Variants in PPP1R2 observed in about 807,000 individuals in gnomAD.
The protein encoded by PPP1R2 is protein phosphatase 1 regulatory inhibitor subunit 2.
Under a neutral mutation model 29.9 loss-of-function variants are expected in PPP1R2, and 16 were observed. That is an observed-to-expected ratio of 0.53 (90% CI 0.36 to 0.81). The LOEUF (loss-of-function observed/expected upper bound fraction) is 0.81. Among genes scored for constraint, PPP1R2 ranks in the 30% least tolerant of loss-of-function variants. PPP1R2 has a pLI of 0.00. For synonymous variants in PPP1R2, 76 were observed against 91.5 expected, an observed-to-expected ratio of 0.83 and a Z score of 0.96; for missense variants, 197 against 252.7, an observed-to-expected ratio of 0.78 and a Z score of 1.49.
At position 195,523,709 on chromosome 3, in the gene PPP1R2, A is replaced by T; in HGVS notation, c.386T>A (p.Leu129His). ...TAAACTACCTCGTTCTTCAGGTGAG[A>T]GGTCACTATCCTCCTCTCCACTGCT... ...QESSGEEDSD[L>H]SPEEREKKRQ... is the part of the protein sequence containing the mutation. Residue 129 changes from leucine (L) to histidine (H), a missense_variant, in exon 4 of 6, where the codon CTC (leucine) becomes CAC (histidine). This residue lies in a region of PPP1R2 where 135 missense variants were observed against 163.0 expected (regional missense o/e 0.83). Transcript: ENST00000618156. The T allele has an allele frequency of 6.2e-7, 1 of 1,613,960 alleles. No homozygotes were observed. The highest frequency in any genetic ancestry group is 8.5e-7 in the Non-Finnish European group (1 of 1,179,852).
chr3:195,514,533 T>G lies in PPP1R2; in HGVS notation c.*2363A>C, dbSNP rs1194638069. 1 of 152,248 alleles carries G rather than the reference T, an allele frequency of 6.6e-6. No individual in the cohort carries two copies. The highest frequency in any genetic ancestry group is 1.5e-5 in the Non-Finnish European group (1 of 68,054). The allele number at this position is 152,248 out of a possible 1,614,324, so 9.4% of individuals were successfully genotyped here. A position where few individuals can be genotyped will look rare whatever the true frequency, so the allele number is the denominator to read the frequency against. On this transcript the variant is annotated 3_prime_UTR_variant, in exon 6 of 6. Coordinates refer to ENST00000618156, the MANE Select transcript of PPP1R2 (RefSeq NM_006241.8). ...GGAAAATGGCATCTTGCTTTAATCT[T>G]CAACTGAAAGTTACCTTAACAATCC...
chr3:195,518,695 C>T (rs892779143), intron 5 of PPP1R2, among the ~76,000 whole-genome samples: 1 of 151,652 alleles, frequency 6.6e-6, no homozygotes, highest in Non-Finnish European at 1.5e-5. Context: ...AATTTTAGAT[C>T]GTTATGACAA....
At chr3:195,536,957 A>G (rs915596741) in intron 1 of PPP1R2, among the ~76,000 whole-genome samples, 9 of 152,052 alleles carry the variant, frequency 5.9e-5, no homozygotes, top group Non-Finnish European at 1.3e-4. Context: ...AAGAAAAAGA[A>G]CTACAGAACA....
intron 5 of PPP1R2, 119 bp downstream of exon 5, chr3:195,518,899 T>A (rs1042337631): frequency 6.9e-7 from 1 of 1,449,240 alleles, no homozygotes; most frequent in Non-Finnish European, 9.3e-7. Flanking sequence ...ACATTTGGTA[T>A]AATAAAGCGA....
At chr3:195,524,961 A>T (rs1718910719) in intron 2 of PPP1R2, 65 bp from the exon 3 acceptor site, 1 of 1,379,974 alleles carries the variant, frequency 7.2e-7, no homozygotes, top group East Asian at 2.3e-5. Context: ...AAAACAAGGG[A>T]GAAAAACAAT....
intron 1 of PPP1R2, among the ~76,000 whole-genome samples, chr3:195,533,506 G>A (rs1318043978): frequency 6.6e-6 from 1 of 152,074 alleles, no homozygotes; most frequent in Non-Finnish European, 1.5e-5. Flanking sequence ...AACACCATGG[G>A]AGTCATACAA....
At chr3:195,535,560 T>C (rs1719348381) in intron 1 of PPP1R2, among the ~76,000 whole-genome samples, 1 of 152,152 alleles carries the variant, frequency 6.6e-6, no homozygotes, top group African/African-American at 2.4e-5. Flanking sequence ...GGTTTCAAGA[T>C]ATGGATCCTG....
Position 195,534,247 on chromosome 3 carries a change from C to T in PPP1R2, c.123-4346G>A, listed in dbSNP as rs373818670. On this transcript the variant is annotated intron_variant, in intron 1 of 5. Coordinates refer to ENST00000618156, the MANE Select transcript of PPP1R2 (RefSeq NM_006241.8). ...CCTGAAGTGGGAGGATCACCTGAGC[C>T]CAGGAGGTCAAGGCTGCAGTGAGCC... 1.3e-4 allele frequency among the ~76,000 whole-genome samples: 20 copies of T among 152,158 alleles called. No individual in the cohort carries two copies. In the East Asian group the frequency reaches 3.9e-3, roughly 29 times the overall value.
At chr3:195,539,146 AC>A (rs1400783302) in intron 1 of PPP1R2, among the ~76,000 whole-genome samples, 1 of 152,238 alleles carries the variant, frequency 6.6e-6, no homozygotes, top group Admixed American at 6.5e-5. Context: ...CTTAGAATCA[AC>A]AGTGTCTTCT....
At chr3:195,541,152 T>G (rs1719576863) in intron 1 of PPP1R2, among the ~76,000 whole-genome samples, 1 of 152,192 alleles carries the variant, frequency 6.6e-6, no homozygotes, top group African/African-American at 2.4e-5. Flanking sequence ...TCTAGTATAG[T>G]GGCTTTTGAG....
At chr3:195,526,576 T>C (rs971847047) in intron 2 of PPP1R2, among the ~76,000 whole-genome samples, 2 of 152,196 alleles carry the variant, frequency 1.3e-5, no homozygotes, top group Non-Finnish European at 2.9e-5. Flanking sequence ...ATTATATTTA[T>C]AAACAGTCAA....
chr3:195,532,627 C>A (rs1252832609), intron 1 of PPP1R2, among the ~76,000 whole-genome samples: 1 of 152,048 alleles, frequency 6.6e-6, no homozygotes, highest in Non-Finnish European at 1.5e-5. Flanking sequence ...AAAAAAAAAT[C>A]TTCTCTTGGA....
chr3:195,515,015 A>C lies in PPP1R2; in HGVS notation c.*1881T>G. The stretch of plus-strand genomic sequence containing the variant: ...CTCTATGACAGCTACTTCTACAAAA[A>C]AAAAAAAAGAGTATGTGGGTACTTT... On this transcript the variant is annotated 3_prime_UTR_variant, in exon 6 of 6. Transcript: ENST00000618156. 3.7e-6 allele frequency: 1 copy of C among 266,814 alleles called. No individual in the cohort carries two copies. Among genetic ancestry groups the C allele is most frequent in the East Asian group, 1.1e-4 (1 of 9,424 alleles). 16.5% of individuals were successfully genotyped at this position (266,814 alleles called of 1,614,324 possible).
intron 1 of PPP1R2, among the ~76,000 whole-genome samples, chr3:195,532,216 T>TTTTTCTTTTTC (rs1553886647): frequency 7.0e-5 from 2 of 28,490 alleles, no homozygotes; most frequent in East Asian, 3.9e-4. Flanking sequence ...TTTCTTTTTC[T>TTTTTCTTTTTC]TTTTTTTTTT....
At chr3:195,532,653 A>T (rs544132624) in intron 1 of PPP1R2, among the ~76,000 whole-genome samples, 96 of 152,252 alleles carry the variant, frequency 6.3e-4, no homozygotes, top group Middle Eastern at 6.8e-3. Context: ...TTTATAGTTG[A>T]CCCTTGAATA....
rs1247840035 is a variant in PPP1R2, at chr3:195,515,333, T to C, written c.*1563A>G. 6.5e-6 allele frequency: 1 copy of C among 152,736 alleles called. No homozygotes were observed. Among genetic ancestry groups the C allele is most frequent in the East Asian group, 1.9e-4 (1 of 5,214 alleles). 9.5% of individuals were successfully genotyped at this position (152,736 alleles called of 1,614,324 possible). ...CAGCAAGGAATTCTCCCACTTTTTATTTATTTTCAAATACTGCTGTTTCCA... is the reference window on the plus strand; with the variant it reads ...CAGCAAGGAATTCTCCCACTTTTTACTTATTTTCAAATACTGCTGTTTCCA... On this transcript the variant is annotated 3_prime_UTR_variant, in exon 6 of 6. Coordinates refer to ENST00000618156, the MANE Select transcript of PPP1R2 (RefSeq NM_006241.8).
In PPP1R2 at chr3:195,529,799, G is replaced by A. The variant is rs1719113266; in HGVS notation, c.225C>T (p.Tyr75=). 1 of 1,590,002 alleles carries A rather than the reference G, an allele frequency of 6.3e-7. No individual in the cohort carries two copies. The highest frequency in any genetic ancestry group is 1.4e-5 in the African/African-American group (1 of 73,976). ...TGACGTCTACGTAACATTACCTATGGTAAGGAGTGCTTGGTTCATCTATTT... is the reference window on the plus strand; with the variant it reads ...TGACGTCTACGTAACATTACCTATGATAAGGAGTGCTTGGTTCATCTATTT... ...LMKIDEPSTP[Y]HSMMGDDEDA... The change falls in exon 2 of 6, where the codon TAC becomes TAT. Residue 75 remains tyrosine, a synonymous_variant. Coordinates refer to ENST00000618156, the MANE Select transcript of PPP1R2 (RefSeq NM_006241.8).
intron 4 of PPP1R2, among the ~76,000 whole-genome samples, chr3:195,521,796 G>C (rs1044861296): frequency 6.6e-6 from 1 of 151,906 alleles, no homozygotes; most frequent in African/African-American, 2.4e-5. Context: ...GATTAGAGGC[G>C]CCCACCACCA....
intron 1 of PPP1R2, among the ~76,000 whole-genome samples, chr3:195,538,160 C>T (rs567772512): frequency 9.5e-4 from 144 of 152,308 alleles, no homozygotes; most frequent in Non-Finnish European, 1.7e-3. Context: ...TTTCCCCCAC[C>T]CTCTTGGGTG....
Sources: allele counts gnomAD v4.1 joint callset (sites outside exome capture counted in the v4.1 genomes callset), GRCh38; gene constraint gnomAD v4.1.1; regional missense constraint gnomAD v4.1.1; transcripts MANE v1.5; gene names NCBI Gene and HGNC (gene_info 2026-07-23, HGNC 2026-07-21).